Variants in PAOX observed in about 807,000 individuals in gnomAD.
PAOX encodes polyamine oxidase, also known as peroxisomal N(1)-acetyl-spermine/spermidine oxidase.
In PAOX, 38 loss-of-function variants were observed where a neutral mutation model predicts 39.0. The ratio of observed to expected loss-of-function variants is 0.97; its 90% CI spans 0.75 to 1.28. The LOEUF is 1.28. PAOX is among the 50% of genes most tolerant of loss of function. The probability of loss-of-function intolerance (pLI) is 0.00; values close to 1 mark genes in which losing one functional copy is unlikely to be tolerated. For synonymous variants in PAOX, 311 were observed against 314.4 expected (o/e 0.99, Z 0.11); for missense variants, 667 against 685.7 (o/e 0.97, Z 0.30).
intron 4 of PAOX, among the ~76,000 whole-genome samples, chr10:133,385,125 G>A (rs968987012): frequency 2.6e-5 from 4 of 152,030 alleles, no homozygotes; most frequent in East Asian, 1.9e-4. Context: ...ATGAAACCCC[G>A]TCTCTACTAA....
chr10:133,390,600 A>G (rs993784662), intron 6 of PAOX, among the ~76,000 whole-genome samples: 2 of 152,218 alleles, frequency 1.3e-5, no homozygotes, highest in Admixed American at 6.5e-5. Context: ...ATAAAACCAT[A>G]TAACTATGAT....
At chr10:133,388,628 C>T (rs1254039032) in intron 4 of PAOX, among the ~76,000 whole-genome samples, 1 of 152,344 alleles carries the variant, frequency 6.6e-6, no homozygotes, top group East Asian at 1.9e-4. Flanking sequence ...CAAATGCTGT[C>T]TTAGCGTCTG....
Position 133,391,427 on chromosome 10 carries a change from A to AGTCTG in PAOX, c.1509_1510insTCTGG (p.Val504SerfsTer24), listed in dbSNP as rs752352812. 2 of 1,612,618 alleles carry AGTCTG rather than the reference A, an allele frequency of 1.2e-6. No individual in the cohort carries two copies. Among genetic ancestry groups the AGTCTG allele is most frequent in the Admixed American group, 3.3e-5 (2 of 59,994 alleles). ...CGCCTCCTCAGTCTGTGGGCCCCGCAGGTGCAGCAGCCCAGGCCCAGGCTC... is the reference window on the plus strand; with the variant it reads ...CGCCTCCTCAGTCTGTGGGCCCCGCAGTCTGGGTGCAGCAGCCCAGGCCCAGGCTC... On this transcript the variant is annotated frameshift_variant, in exon 7 of 7. Coordinates refer to ENST00000278060, the MANE Select transcript of PAOX (RefSeq NM_152911.4). LOFTEE classifies it high-confidence loss of function.
chr10:133,383,024 T>A (rs543793305), intron 3 of PAOX: 1 of 152,094 alleles, frequency 6.6e-6, no homozygotes, highest in East Asian at 1.9e-4. Flanking sequence ...ATTTTGTTTA[T>A]AAGGAGCCAG....
intron 4 of PAOX, among the ~76,000 whole-genome samples, chr10:133,386,781 T>A (rs1288082995): frequency 6.6e-6 from 1 of 151,924 alleles, no homozygotes; most frequent in African/African-American, 2.4e-5. Context: ...GCCAAAGGAG[T>A]GATATTTAAA....
At chr10:133,385,882 C>A (rs1261595824) in intron 4 of PAOX, among the ~76,000 whole-genome samples, 1 of 152,132 alleles carries the variant, frequency 6.6e-6, no homozygotes, top group Non-Finnish European at 1.5e-5. Flanking sequence ...CGCACCCAGT[C>A]ACCACATGAT....
At chr10:133,385,926 A>G (rs977655822) in intron 4 of PAOX, among the ~76,000 whole-genome samples, 1 of 151,898 alleles carries the variant, frequency 6.6e-6, no homozygotes, top group Non-Finnish European at 1.5e-5. Flanking sequence ...ATAGTAACAA[A>G]CCTATTCTAT....
chr10:133,380,295 A>C lies in PAOX; in HGVS notation c.478A>C (p.Lys160Gln), dbSNP rs751732831. Residue 160 changes from lysine (K) to glutamine (Q), a missense_variant, in exon 2 of 7, where the codon AAG becomes CAG. Lys to Gln is a moderately conservative substitution (Grantham distance 53). Coordinates refer to ENST00000278060, the MANE Select transcript of PAOX (RefSeq NM_152911.4). Reference sequence around the variant, plus strand: ...GGTGCCCAGCGTCGGGGAGTACCTCAAGAAGGAGATTGGCCAGCACGTGGC... The same window carrying C: ...GGTGCCCAGCGTCGGGGAGTACCTCCAGAAGGAGATTGGCCAGCACGTGGC... ...TPVPSVGEYL[K>Q]KEIGQHVAGW... The C allele has an allele frequency of 6.2e-7, 1 of 1,612,902 alleles. No homozygotes were observed. Among genetic ancestry groups the C allele is most frequent in the Non-Finnish European group, 8.5e-7 (1 of 1,180,016 alleles).
chr10:133,391,486 T>C lies in PAOX; in HGVS notation c.*31T>C. The C allele has an allele frequency of 6.3e-7, 1 of 1,582,366 alleles. No individual in the cohort carries two copies. Among genetic ancestry groups the C allele is most frequent in the African/African-American group, 1.4e-5 (1 of 73,716 alleles). ...CCCAGCCTACTCTGTTCCACCCGTG[T>C]CGGGGGTAGGCTGGGACCCTCATTT... On this transcript the variant is annotated 3_prime_UTR_variant, in exon 7 of 7. Transcript: ENST00000278060.
At chr10:133,386,709 A>G (rs555523180) in intron 4 of PAOX, among the ~76,000 whole-genome samples, 1 of 152,164 alleles carries the variant, frequency 6.6e-6, no homozygotes, top group Admixed American at 6.5e-5. Flanking sequence ...CCTGACCTCA[A>G]GTGATCTGCC....
intron 3 of PAOX, 56 bp from the exon 4 acceptor site, chr10:133,383,904 A>G (rs1220340822): frequency 1.9e-6 from 3 of 1,559,032 alleles, no homozygotes; most frequent in Non-Finnish European, 2.6e-6. Flanking sequence ...CTGGACAGAC[A>G]GGACTTCCGT....
intron 6 of PAOX, chr10:133,390,862 G>C (rs1849656791): frequency 1.6e-6 from 1 of 634,978 alleles, no homozygotes; most frequent in East Asian, 2.8e-5. Context: ...AGGAGTTGAG[G>C]CCAGATCACT....
rs1410416416 is a variant in PAOX, at chr10:133,384,530, A to G, written c.1121+318A>G. Among the ~76,000 whole-genome samples, 1 of 152,216 alleles carries G rather than the reference A, an allele frequency of 6.6e-6. No individual in the cohort carries two copies. The highest frequency in any genetic ancestry group is 1.5e-5 in the Non-Finnish European group (1 of 68,038). ...GCAGGGAGCTGGGGCTTGTAGATAC[A>G]GAAGAACTTTGAAACACCATCTGCC... On this transcript the variant is annotated intron_variant, in intron 4 of 6. Coordinates refer to ENST00000278060, the MANE Select transcript of PAOX (RefSeq NM_152911.4). This position sits in a 1 kb window ranked among gnomAD's most constrained non-coding sequence, Gnocchi z 4.3.
intron 1 of PAOX, 89 bp downstream of exon 1, chr10:133,379,586 G>A: frequency 9.3e-7 from 1 of 1,077,530 alleles, no homozygotes; most frequent in Non-Finnish European, 1.2e-6. Flanking sequence ...CAGCCGACCT[G>A]CCCGGCCGCC....
intron 1 of PAOX, 96 bp from the exon 2 acceptor site, chr10:133,379,903 C>T (rs1849305671): frequency 6.8e-7 from 1 of 1,466,494 alleles, no homozygotes; most frequent in East Asian, 2.3e-5. Context: ...GTACATCCTC[C>T]TTGGGAAGGC....
At chr10:133,389,505 C>T (rs1849612349) in intron 5 of PAOX, 85 bp from the exon 6 acceptor site, 1 of 1,572,536 alleles carries the variant, frequency 6.4e-7, no homozygotes, top group Non-Finnish European at 8.7e-7. Context: ...TCACGTTAAA[C>T]TGCTCAATCT....
chr10:133,391,403 G>T lies in PAOX; in HGVS notation c.1484G>T (p.Arg495Leu), dbSNP rs768196529. The T allele has an allele frequency of 5.6e-6, 9 of 1,612,908 alleles. No individual in the cohort carries two copies. In the African/African-American group the frequency reaches 1.2e-4, roughly 22 times the overall value. The change falls in exon 7 of 7, where the codon CGC becomes CTC. Residue 495 changes from arginine to leucine, a missense_variant. By Grantham distance (102) the Arg-to-Leu change is moderately radical. Coordinates refer to ENST00000278060, the MANE Select transcript of PAOX (RefSeq NM_152911.4). ...CTGTCGGGATGGAGGGAGGCCGACC[G>T]CCTCCTCAGTCTGTGGGCCCCGCAG... is the stretch of plus-strand genomic sequence containing the variant. ...ALLSGWREAD[R>L]LLSLWAPQVQ... is the part of the protein sequence containing the mutation.
chr10:133,385,835 G>A (rs1005180267), intron 4 of PAOX, among the ~76,000 whole-genome samples: 5 of 151,836 alleles, frequency 3.3e-5, no homozygotes, highest in Non-Finnish European at 5.9e-5. Flanking sequence ...CGCCCGCCTC[G>A]GCCTCCCAAA....
chr10:133,390,922 C>G, intron 6 of PAOX: 3 of 695,234 alleles, frequency 4.3e-6, no homozygotes, highest in Admixed American at 4.0e-5. Context: ...CACACCTGAG[C>G]TGCGGGGTGC....
Sources: gnomAD v4.1 joint callset for allele counts (sites outside exome capture counted in the v4.1 genomes callset) on GRCh38, gnomAD v4.1.1 for gene constraint, Gnocchi (gnomAD v3.1) non-coding constraint, MANE v1.5 for transcripts, NCBI Gene and HGNC (gene_info 2026-07-23, HGNC 2026-07-21) for gene names.